TTN: variants seen among roughly 807,000 people sequenced by gnomAD.
TTN encodes titin, also known as connectin.
A neutral mutation model predicts 3,223.0 loss-of-function variants in TTN; 1,525 were observed. The ratio of observed to expected loss-of-function variants is 0.47; its 90% CI spans 0.45 to 0.49. TTN has a LOEUF of 0.49. TTN is among the 20% of genes least tolerant of loss of function. The probability of loss-of-function intolerance (pLI) is 0.00; values close to 1 mark genes in which losing one functional copy is unlikely to be tolerated. For missense variants in TTN, 40,786 were observed against 43,424.0 expected (o/e 0.94, Z 5.40); for synonymous variants, 14,094 against 15,161.0 (o/e 0.93, Z 5.17).
intron 127 of TTN, among the ~76,000 whole-genome samples, chr2:178,686,314 G>T (rs1440857316): frequency 6.7e-6 from 1 of 150,366 alleles, no homozygotes; most frequent in Non-Finnish European, 1.5e-5. Context: ...TAGAGACGGG[G>T]TTTCACCGTT....
At chr2:178,705,773 G>A (rs930596509) in intron 102 of TTN, among the ~76,000 whole-genome samples, 1 of 152,126 alleles carries the variant, frequency 6.6e-6, no homozygotes, top group African/African-American at 2.4e-5. Flanking sequence ...TAATAATTAT[G>A]TTGAAAAATG....
At chr2:178,767,710 A>G in intron 40 of TTN, 49 bp downstream of exon 40, 2 of 1,603,326 alleles carry the variant, frequency 1.2e-6, no homozygotes, top group Non-Finnish European at 1.7e-6. Context: ...AAAATGATAG[A>G]TTATGGACTA....
rs2115557 is a variant in TTN, at chr2:178,664,061, T to C, written c.36318A>G (p.Lys12106=). ...GCTTTTTAGGAGGCACCACCGACACTTTCTTTTCAGGGATAATCTCTTTGG... is the reference window on the plus strand; with the variant it reads ...GCTTTTTAGGAGGCACCACCGACACCTTCTTTTCAGGGATAATCTCTTTGG... ...EAPKEIIPEK[K]VSVVPPKKPE... The change falls in exon 169 of 363, where the codon AAA becomes AAG. Residue 12106 remains lysine, a synonymous_variant. Transcript: ENST00000589042. 6,736 of 1,613,168 alleles carry C rather than the reference T, an allele frequency of 4.2e-3. 165 individuals carry two copies. In the African/African-American group the frequency reaches 0.063, roughly 15 times the overall value.
chr2:178,642,132 G>T, intron 219 of TTN, 105 bp downstream of exon 219: 1 of 872,630 alleles, frequency 1.1e-6, no homozygotes, highest in Admixed American at 3.7e-5. Context: ...TTGATAAATA[G>T]CGAACCAATT....
chr2:178,574,244 T>C lies in TTN; in HGVS notation c.71888A>G (p.Lys23963Arg). 6.2e-7 allele frequency: 1 copy of C among 1,613,194 alleles called. No individual in the cohort carries two copies. Among genetic ancestry groups the C allele is most frequent in the Non-Finnish European group, 8.5e-7 (1 of 1,179,392 alleles). ...GFKITSYIVE[K>R]RDLPNGRWLK... ...CCACCGTCCATTAGGAAGGTCTCTC[T>C]TTTCAACGATATAACTGGTAATTTT... Residue 23963 changes from lysine to arginine, a missense_variant, in exon 326 of 363, where the codon AAG becomes AGG. Physicochemically the swap from Lys to Arg is conservative, Grantham distance 26. Coordinates refer to ENST00000589042, the MANE Select transcript of TTN (RefSeq NM_001267550.2).
Position 178,614,594 on chromosome 2 carries a change from A to G in TTN, c.48920T>C (p.Ile16307Thr). Residue 16307 changes from isoleucine to threonine, a missense_variant, in exon 261 of 363, where the codon ATT becomes ACT. Ile to Thr is a moderately conservative substitution (Grantham distance 89). Transcript: ENST00000589042. The stretch of plus-strand genomic sequence containing the variant: ...TGTGGATTTCTTAGGGACATTTTCA[A>G]TGGTAATTCTTTTGTCCTGCTTCAG... ...MILKQDKRIT[I>T]ENVPKKSTVT... The G allele has an allele frequency of 2.5e-6, 4 of 1,612,364 alleles. No individual in the cohort carries two copies. Among genetic ancestry groups the G allele is most frequent in the Non-Finnish European group, 3.4e-6 (4 of 1,179,152 alleles).
rs1706223006 is a variant in TTN, at chr2:178,567,184, G to A, written c.78948C>T (p.Gly26316=). ...CAACAACATAGTGAGAAATGTCACT[G>A]CCACCATCTTGAAGTGGTGGAGACC... The part of the protein sequence containing the change: ...LTWSPPLQDG[G]SDISHYVVEK... Residue 26316 remains glycine, a synonymous_variant, in exon 326 of 363, where the codon GGC becomes GGT. Transcript: ENST00000589042. 1 of 1,613,058 alleles carries A rather than the reference G, an allele frequency of 6.2e-7. No individual in the cohort carries two copies. The highest frequency in any genetic ancestry group is 8.5e-7 in the Non-Finnish European group (1 of 1,179,406).
rs2047447815 is a variant in TTN at position 178,580,495 on chromosome 2, C to T, written c.66884G>A (p.Trp22295Ter). The T allele has an allele frequency of 6.2e-7, 1 of 1,612,770 alleles. No homozygotes were observed. Among genetic ancestry groups the T allele is most frequent in the Non-Finnish European group, 8.5e-7 (1 of 1,179,368 alleles). The change falls in exon 317 of 363, where the codon TGG (tryptophan) becomes TAG (stop). Residue 22295 changes from tryptophan to a stop codon, truncating the protein, a stop_gained. Transcript: ENST00000589042. LOFTEE classifies it high-confidence loss of function. ...VKGRPPPKITWSKPNVNLRDR... is the reference protein window; with the variant it reads ...VKGRPPPKIT The stretch of plus-strand genomic sequence containing the variant: ...TCTTAGATTGACATTTGGTTTAGAC[C>T]AAGTAATCTTTGGAGGTGGGCGTCC...
At chr2:178,580,762 C>G (rs1359791501) in intron 316 of TTN, 153 bp from the exon 317 acceptor site, 2 of 758,112 alleles carry the variant, frequency 2.6e-6, no homozygotes, top group Non-Finnish European at 4.1e-6. Flanking sequence ...AATCATTTTT[C>G]TGTTCTGTAC....
intron 169 of TTN, 21 bp downstream of exon 169, chr2:178,663,994 C>T (rs1282106626): frequency 6.2e-7 from 1 of 1,612,632 alleles, no homozygotes. Context: ...TCTTCTGAAG[C>T]CTAAAGTCAG....
At chr2:178,693,465 C>T (rs1577515226) in intron 119 of TTN, 144 bp downstream of exon 119, 1 of 518,258 alleles carries the variant, frequency 1.9e-6, no homozygotes, top group Non-Finnish European at 3.2e-6. Context: ...TCTTCCCGTC[C>T]CCCATCACAT....
In TTN at chr2:178,571,744, T is replaced by A; in HGVS notation, c.74388A>T (p.Glu24796Asp). 1 of 1,613,452 alleles carries A rather than the reference T, an allele frequency of 6.2e-7. No homozygotes were observed. The highest frequency in any genetic ancestry group is 8.5e-7 in the Non-Finnish European group (1 of 1,179,546). The part of the protein sequence containing the change: ...YVVKLTNSAG[E>D]AIETLNVIVL... ...CGATAACATTAAGGGTTTCAATAGCTTCACCAGCTGAGTTAGTCAGTTTAA... is the reference window on the plus strand; with the variant it reads ...CGATAACATTAAGGGTTTCAATAGCATCACCAGCTGAGTTAGTCAGTTTAA... The change falls in exon 326 of 363, where the codon GAA becomes GAT. Residue 24796 changes from glutamate (E) to aspartate (D), a missense_variant. By Grantham distance (45) the Glu-to-Asp change is conservative. Coordinates refer to ENST00000589042, the MANE Select transcript of TTN (RefSeq NM_001267550.2).
rs1418140235 is a variant in TTN, at chr2:178,717,664, C to A, written c.25210G>T (p.Ala8404Ser). 6.2e-7 allele frequency: 1 copy of A among 1,613,362 alleles called. No homozygotes were observed. The highest frequency in any genetic ancestry group is 8.5e-7 in the Non-Finnish European group (1 of 1,179,570). The stretch of plus-strand genomic sequence containing the variant: ...TGAACAAAAGATGTCTGCAAATTAG[C>A]ATCATCTTTCAAAAGAACCCCATCC... ...YKDGVLLKDD[A>S]NLQTSFVHNV... The change falls in exon 87 of 363, where the codon GCT becomes TCT. Residue 8404 changes from alanine (A) to serine (S), a missense_variant. By Grantham distance (99) the Ala-to-Ser change is moderately conservative. Coordinates refer to ENST00000589042, the MANE Select transcript of TTN (RefSeq NM_001267550.2).
chr2:178,628,700 A>G (rs1303742089), intron 240 of TTN: 1 of 152,150 alleles, frequency 6.6e-6, no homozygotes, highest in African/African-American at 2.4e-5. Flanking sequence ...GGATAACCAC[A>G]GAGCCCTTCT....
intron 278 of TTN, among the ~76,000 whole-genome samples, chr2:178,606,565 G>T (rs1364141843): frequency 6.6e-6 from 1 of 151,844 alleles, no homozygotes; most frequent in Admixed American, 6.6e-5. Context: ...GCTGTTTCTG[G>T]TTTTGGGCCT....
chr2:178,714,211 C>T (rs1460587238), intron 91 of TTN, 36 bp from the exon 92 acceptor site: 4 of 1,591,108 alleles, frequency 2.5e-6, no homozygotes, highest in East Asian at 2.2e-5. Flanking sequence ...ATATTTTAAA[C>T]TCAAATTGAA....
At position 178,779,654 on chromosome 2, in the gene TTN, G is replaced by C. The variant is rs377074127; in HGVS notation, c.3730-192C>G. 5.9e-5 allele frequency among the ~76,000 whole-genome samples: 9 copies of C among 152,276 alleles called. No homozygotes were observed. In the South Asian group the frequency reaches 8.3e-4, roughly 14 times the overall value. On this transcript the variant is annotated intron_variant, in intron 22 of 362. Coordinates refer to ENST00000589042, the MANE Select transcript of TTN (RefSeq NM_001267550.2). ...AATGTTGTGGCATCTTGGGTAGAAA[G>C]GTATTCCAAAAGCAGGAGTTAGATT...
At chr2:178,746,116 CA>C in intron 47 of TTN, 1 of 1,613,430 alleles carries the variant, frequency 6.2e-7, no homozygotes, top group South Asian at 1.1e-5. Flanking sequence ...CCTCGCTAAT[CA>C]CGTATTTAAT....
At position 178,568,105 on chromosome 2, in the gene TTN, T is replaced by C. The variant is rs951099049; in HGVS notation, c.78027A>G (p.Ile26009Met). The change falls in exon 326 of 363, where the codon ATA (isoleucine) becomes ATG (methionine). Residue 26009 changes from isoleucine (I) to methionine (M), a missense_variant. Coordinates refer to ENST00000589042, the MANE Select transcript of TTN (RefSeq NM_001267550.2). ...CATTGTTGACTGGTTCATGCCACTG[T>C]ATGACCATGGAGTCTTTGGAAATGG... ...ATAISKDSMV[I>M]QWHEPVNNGG... 1 of 1,613,456 alleles carries C rather than the reference T, an allele frequency of 6.2e-7. No individual in the cohort carries two copies.
Sources: allele counts gnomAD v4.1 joint callset (sites outside exome capture counted in the v4.1 genomes callset), GRCh38; gene constraint gnomAD v4.1.1; transcripts MANE v1.5; gene names NCBI Gene and HGNC (gene_info 2026-07-23, HGNC 2026-07-21).